Variants in ZNF385D observed in about 807,000 individuals in gnomAD.
ZNF385D encodes zinc finger protein 385D, also known as zinc finger protein 659.
Under a neutral mutation model 35.8 loss-of-function variants are expected in ZNF385D, and 15 were observed. The observed-to-expected ratio is 0.42, with a 90% CI of 0.28 to 0.64. ZNF385D has a LOEUF of 0.64. Among genes scored for constraint, ZNF385D ranks in the 30% least tolerant of loss-of-function variants. The pLI, the probability that ZNF385D is intolerant of heterozygous loss-of-function variation, is 0.23. For missense variants in ZNF385D, 474 were observed against 494.6 expected (o/e 0.96, Z 0.39); for synonymous variants, 212 against 186.8 (o/e 1.13, Z -1.10).
In ZNF385D at chr3:22,306,076, G is replaced by T. The variant is rs531548847; in HGVS notation, c.106+66374C>A. ...TCTATAGCTTGTTTCCTTGTGGAAG[G>T]GCAAGAAAACTACAAAAGTCAGAAT... On this transcript the variant is annotated intron_variant, in intron 2 of 5. Transcript: ENST00000494108. Among the ~76,000 whole-genome samples the T allele has an allele frequency of 3.6e-3, 554 of 152,168 alleles. 4 individuals are homozygous for T. The highest frequency in any genetic ancestry group is 0.011 in the African/African-American group (471 of 41,534).
chr3:21,490,092 A>G (rs1366788555), intron 4 of ZNF385D, among the ~76,000 whole-genome samples: 1 of 151,932 alleles, frequency 6.6e-6, no homozygotes, highest in African/African-American at 2.4e-5. Context: ...TGTCTTTCCT[A>G]TTGTCCCAGT....
intron 1 of ZNF385D, among the ~76,000 whole-genome samples, chr3:21,730,540 C>T (rs1402584490): frequency 6.6e-6 from 1 of 152,200 alleles, no homozygotes; most frequent in African/African-American, 2.4e-5. Flanking sequence ...TTTAGAGCAT[C>T]TACTAAGTGT....
chr3:22,197,423 A>C (rs1576480798), intron 2 of ZNF385D, among the ~76,000 whole-genome samples: 1 of 152,176 alleles, frequency 6.6e-6, no homozygotes, highest in East Asian at 1.9e-4. Context: ...AGTTGTTTAC[A>C]GCTCATGAAA....
chr3:22,244,809 A>T (rs1007660269), intron 2 of ZNF385D, among the ~76,000 whole-genome samples: 25 of 150,464 alleles, frequency 1.7e-4, no homozygotes, highest in African/African-American at 6.2e-4. Flanking sequence ...TTTTGGGGGA[A>T]TTTTTTTCCT....
At chr3:21,535,240 T>C (rs2062009718) in intron 3 of ZNF385D, among the ~76,000 whole-genome samples, 1 of 152,154 alleles carries the variant, frequency 6.6e-6, no homozygotes, top group African/African-American at 2.4e-5. Context: ...TTAAAGTTGA[T>C]AAAGCCTTTT....
chr3:22,324,153 G>A (rs1056547887), intron 2 of ZNF385D, among the ~76,000 whole-genome samples: 20 of 152,132 alleles, frequency 1.3e-4, no homozygotes, highest in African/African-American at 4.6e-4. Context: ...GGAACTTCTA[G>A]AGAAATTCAA....
intron 1 of ZNF385D, among the ~76,000 whole-genome samples, chr3:21,708,218 ACT>A (rs567590788): frequency 6.6e-6 from 1 of 152,202 alleles, no homozygotes; most frequent in Non-Finnish European, 1.5e-5. Context: ...AATTTTAGCT[ACT>A]GTTACTCAAA....
chr3:21,457,799 G>A (rs1312108905), intron 4 of ZNF385D, among the ~76,000 whole-genome samples: 5 of 152,176 alleles, frequency 3.3e-5, no homozygotes, highest in Admixed American at 2.6e-4. Flanking sequence ...TGATTAATAA[G>A]TTAATTTAAG....
intron 2 of ZNF385D, among the ~76,000 whole-genome samples, chr3:22,360,654 G>A (rs1312336800): frequency 6.6e-6 from 1 of 151,932 alleles, no homozygotes; most frequent in East Asian, 1.9e-4. Context: ...AAGGTGGAAC[G>A]AATACCAAGT....
At chr3:22,218,501 A>G (rs1004319144) in intron 2 of ZNF385D, among the ~76,000 whole-genome samples, 1 of 152,090 alleles carries the variant, frequency 6.6e-6, no homozygotes, top group Admixed American at 6.5e-5. Context: ...ACATATATAT[A>G]CATACACACA....
At chr3:22,168,956 C>T in exon 3 of ZNF385D, 1 of 985,762 alleles carries the variant, frequency 1.0e-6, no homozygotes, top group Non-Finnish European at 1.2e-6. Flanking sequence ...TGGTATGTTT[C>T]TTTTCTCTTT....
Position 21,987,458 on chromosome 3 carries a change from G to A in ZNF385D, c.325+181359C>T, listed in dbSNP as rs1377127087. 2.8e-4 allele frequency among the ~76,000 whole-genome samples: 34 copies of A among 120,182 alleles called. 4 individuals carry two copies. In the South Asian group the frequency reaches 8.9e-3, roughly 31 times the overall value. 78.8% of individuals were successfully genotyped at this position (120,182 alleles called of 152,430 possible). On this transcript the variant is annotated intron_variant, in intron 3 of 5. Coordinates refer to the ZNF385D transcript ENST00000494108. ...AGTTTGGCTGGATATGAAATTCTGG[G>A]TTGAAAATTCTTTTCTTTAAGAATG...
At chr3:21,886,726 A>G (rs988732507) in intron 3 of ZNF385D, among the ~76,000 whole-genome samples, 7 of 152,152 alleles carry the variant, frequency 4.6e-5, no homozygotes, top group African/African-American at 1.7e-4. Flanking sequence ...TTTGCCAAAG[A>G]GAATTATAAG....
At chr3:21,616,506 A>T (rs1308530425) in intron 2 of ZNF385D, among the ~76,000 whole-genome samples, 3 of 152,178 alleles carry the variant, frequency 2.0e-5, no homozygotes, top group Non-Finnish European at 2.9e-5. Flanking sequence ...TATGCTAAGT[A>T]ACTAGTCACA....
chr3:22,074,420 C>A (rs1553603110), intron 3 of ZNF385D, among the ~76,000 whole-genome samples: 1 of 151,842 alleles, frequency 6.6e-6, no homozygotes, highest in Non-Finnish European at 1.5e-5. Context: ...TGGAGCTAAG[C>A]AAAAAACATT....
At chr3:22,329,974 T>C (rs1292392836) in intron 2 of ZNF385D, among the ~76,000 whole-genome samples, 2 of 152,210 alleles carry the variant, frequency 1.3e-5, no homozygotes, top group East Asian at 1.9e-4. Flanking sequence ...GCTGTCATAA[T>C]AAACAACACA....
At chr3:22,182,508 T>C (rs575874681) in intron 2 of ZNF385D, among the ~76,000 whole-genome samples, 2 of 152,108 alleles carry the variant, frequency 1.3e-5, no homozygotes, top group Non-Finnish European at 2.9e-5. Flanking sequence ...ACAGGACACA[T>C]TGCAGGGATC....
chr3:21,556,197 C>CT (rs1413670968), intron 3 of ZNF385D, among the ~76,000 whole-genome samples: 2 of 144,664 alleles, frequency 1.4e-5, no homozygotes, highest in Non-Finnish European at 3.0e-5. Context: ...ATGATAGTTT[C>CT]TTTTGCTGTG....
intron 4 of ZNF385D, among the ~76,000 whole-genome samples, chr3:21,453,672 A>G (rs1329396943): frequency 2.0e-5 from 3 of 152,040 alleles, no homozygotes; most frequent in Non-Finnish European, 4.4e-5. Context: ...TAGGATGGCT[A>G]TAATAATAAA....
Sources: gnomAD v4.1 joint callset for allele counts (sites outside exome capture counted in the v4.1 genomes callset) on GRCh38, gnomAD v4.1.1 for gene constraint, MANE v1.5 for transcripts, NCBI Gene and HGNC (gene_info 2026-07-23, HGNC 2026-07-21) for gene names.